Variants in CFAP299 observed in about 807,000 individuals in gnomAD.
The protein encoded by CFAP299 is cilia and flagella associated protein 299, also known as cilia- and flagella-associated protein 299.
Under a neutral mutation model 27.0 loss-of-function variants are expected in CFAP299, and 21 were observed. The ratio of observed to expected loss-of-function variants is 0.78; its 90% confidence interval spans 0.55 to 1.12. CFAP299 has a LOEUF of 1.12. Among genes scored for constraint, CFAP299 ranks in the 50% most tolerant of loss-of-function variants. The probability of loss-of-function intolerance (pLI) is 0.00; values close to 1 mark genes in which losing one functional copy is unlikely to be tolerated. For synonymous variants in CFAP299, 104 were observed against 98.1 expected (o/e 1.06, Z -0.36); for missense variants, 310 against 276.6 (o/e 1.12, Z -0.86).
chr4:80,501,146 A>T (rs1382216463), intron 2 of CFAP299, among the ~76,000 whole-genome samples: 1 of 152,060 alleles, frequency 6.6e-6, no homozygotes, highest in Non-Finnish European at 1.5e-5. Flanking sequence ...AGTAGTTTAC[A>T]AGGTAACTTG....
At chr4:80,697,975 G>T (rs530946104) in intron 3 of CFAP299, among the ~76,000 whole-genome samples, 1 of 152,276 alleles carries the variant, frequency 6.6e-6, no homozygotes, top group African/African-American at 2.4e-5. Context: ...ACCAAGGATA[G>T]ACATTCATGT....
intron 2 of CFAP299, among the ~76,000 whole-genome samples, chr4:80,527,492 C>G (rs768395671): frequency 2.6e-5 from 4 of 152,136 alleles, no homozygotes; most frequent in Admixed American, 6.6e-5. Flanking sequence ...CTCCCCTTTT[C>G]TAAAAGCTCC....
intron 3 of CFAP299, among the ~76,000 whole-genome samples, chr4:80,789,692 A>C (rs1254068883): frequency 1.3e-5 from 2 of 152,072 alleles, no homozygotes; most frequent in Non-Finnish European, 2.9e-5. Flanking sequence ...ACAGAAGTAC[A>C]GAATAACAGA....
intron 3 of CFAP299, among the ~76,000 whole-genome samples, chr4:80,773,305 A>G (rs1395731086): frequency 1.3e-5 from 2 of 152,170 alleles, no homozygotes; most frequent in Non-Finnish European, 2.9e-5. Context: ...AGATTAGTTG[A>G]GTCCTAGTAG....
At chr4:80,672,861 A>C (rs1741579492) in intron 3 of CFAP299, among the ~76,000 whole-genome samples, 1 of 146,836 alleles carries the variant, frequency 6.8e-6, no homozygotes, top group Admixed American at 6.8e-5. Flanking sequence ...CCCCTTTGTC[A>C]TTTTTTATTG....
chr4:80,837,881 C>T (rs1730653809), intron 3 of CFAP299, among the ~76,000 whole-genome samples: 1 of 152,178 alleles, frequency 6.6e-6, no homozygotes, highest in South Asian at 2.1e-4. Flanking sequence ...ATTTACACTC[C>T]CACCAACAGT....
At chr4:80,439,849 A>G (rs1288340376) in intron 2 of CFAP299, among the ~76,000 whole-genome samples, 1 of 152,134 alleles carries the variant, frequency 6.6e-6, no homozygotes, top group African/African-American at 2.4e-5. Context: ...GACCTGCGAC[A>G]CTCGAGCTTG....
At chr4:80,659,215 A>G (rs1365076756) in intron 3 of CFAP299, among the ~76,000 whole-genome samples, 2 of 152,074 alleles carry the variant, frequency 1.3e-5, no homozygotes, top group African/African-American at 4.8e-5. Flanking sequence ...CTATAAGAGT[A>G]TACTTATGAC....
intron 3 of CFAP299, among the ~76,000 whole-genome samples, chr4:80,862,811 A>G (rs1157238014): frequency 6.6e-6 from 1 of 152,174 alleles, no homozygotes; most frequent in Non-Finnish European, 1.5e-5. Flanking sequence ...TTATATATAT[A>G]TGTAAAACTG....
chr4:80,541,873 C>A (rs112206590), intron 2 of CFAP299, among the ~76,000 whole-genome samples: 1 of 151,852 alleles, frequency 6.6e-6, no homozygotes, highest in Non-Finnish European at 1.5e-5. Flanking sequence ...TTACCTATTA[C>A]CATAGTACTA....
intron 4 of CFAP299, chr4:80,871,459 T>C: frequency 2.0e-6 from 2 of 985,380 alleles, no homozygotes; most frequent in Non-Finnish European, 1.2e-6. Flanking sequence ...TAACTTATGG[T>C]TTCCAAACTC....
At chr4:80,865,341 T>C (rs969885520) in intron 3 of CFAP299, among the ~76,000 whole-genome samples, 3 of 152,178 alleles carry the variant, frequency 2.0e-5, no homozygotes, top group Admixed American at 2.0e-4. Flanking sequence ...TTAGTTTAAC[T>C]TCATTCAAAT....
chr4:80,903,254 A>G (rs1009902957), intron 4 of CFAP299, among the ~76,000 whole-genome samples: 1 of 152,104 alleles, frequency 6.6e-6, no homozygotes, highest in Non-Finnish European at 1.5e-5. Context: ...TACCCATATC[A>G]TTAGATGGTC....
At chr4:80,433,956 G>T (rs1286329960) in intron 2 of CFAP299, among the ~76,000 whole-genome samples, 1 of 152,106 alleles carries the variant, frequency 6.6e-6, no homozygotes, top group Non-Finnish European at 1.5e-5. Flanking sequence ...CATTTATAGT[G>T]TCATAGCAAG....
chr4:80,813,496 A>G lies in CFAP299; in HGVS notation c.334-56497A>G, dbSNP rs552084093. On this transcript the variant is annotated intron_variant, in intron 3 of 5. Coordinates refer to ENST00000358105, the MANE Select transcript of CFAP299 (RefSeq NM_152770.3). ...GTAATTCTTCATATGTATTTACAGA[A>G]AGGACATCCTTTTCTGTTGATCCTA... 5.3e-5 allele frequency among the ~76,000 whole-genome samples: 8 copies of G among 152,128 alleles called. No homozygotes were observed. The East Asian group carries it at 1.4e-3, about 26-fold the overall frequency.
intron 1 of CFAP299, among the ~76,000 whole-genome samples, chr4:80,349,088 C>T (rs987931282): frequency 4.6e-5 from 7 of 152,236 alleles, no homozygotes; most frequent in African/African-American, 1.7e-4. Flanking sequence ...GTCAGGTGCT[C>T]GTGACCCTGC....
intron 2 of CFAP299, among the ~76,000 whole-genome samples, chr4:80,555,431 TC>T (rs1281148102): frequency 6.6e-6 from 1 of 152,136 alleles, no homozygotes. Context: ...ACATTGATGT[TC>T]ATCAAAAGAT....
intron 3 of CFAP299, among the ~76,000 whole-genome samples, chr4:80,741,749 A>T (rs78764452): frequency 6.6e-6 from 1 of 152,254 alleles, no homozygotes; most frequent in East Asian, 1.9e-4. Flanking sequence ...CCAGTGTAGC[A>T]CAAGGAATTG....
At chr4:80,883,216 T>C (rs1310512162) in intron 4 of CFAP299, among the ~76,000 whole-genome samples, 1 of 152,100 alleles carries the variant, frequency 6.6e-6, no homozygotes, top group East Asian at 1.9e-4. Flanking sequence ...GTTCTTATCA[T>C]GTGAAAATGG....
Sources: gnomAD v4.1 joint callset for allele counts (sites outside exome capture counted in the v4.1 genomes callset) on GRCh38, gnomAD v4.1.1 for gene constraint, MANE v1.5 for transcripts, NCBI Gene and HGNC (gene_info 2026-07-23, HGNC 2026-07-21) for gene names.